SETD7: variants seen among roughly 807,000 people sequenced by gnomAD.
SETD7 encodes the protein histone-lysine N-methyltransferase SETD7.
In SETD7, 16 loss-of-function variants were observed where a neutral mutation model predicts 41.8. The ratio of observed to expected loss-of-function variants is 0.38; its 90% CI spans 0.26 to 0.58. The LOEUF (loss-of-function observed/expected upper bound fraction) is 0.58, where lower values mean the gene tolerates loss of function less well. Among genes scored for constraint, SETD7 ranks in the 20% least tolerant of loss-of-function variants. The probability of loss-of-function intolerance (pLI) is 0.64; values close to 1 mark genes in which losing one functional copy is unlikely to be tolerated. For missense variants in SETD7, 346 were observed against 459.7 expected (o/e 0.75, Z 2.26); for synonymous variants, 163 against 169.7 (o/e 0.96, Z 0.31).
chr4:139,503,142 C>G (rs576887450), downstream of SETD7, among the ~76,000 whole-genome samples: 1 of 130,102 alleles, frequency 7.7e-6, no homozygotes, highest in Admixed American at 9.1e-5. Flanking sequence ...TGCGCCACTG[C>G]ACTCCAGTAT....
exon 8 of SETD7, chr4:139,496,186 CT>C (rs1726450836): frequency 4.1e-6 from 2 of 486,134 alleles, no homozygotes; most frequent in Admixed American, 3.7e-5. Context: ...TTTTTCCCCC[CT>C]CTGGTGACTT....
intron 2 of SETD7, among the ~76,000 whole-genome samples, chr4:139,544,350 G>T (rs987063701): frequency 2.8e-5 from 4 of 143,250 alleles, no homozygotes; most frequent in African/African-American, 1.0e-4. Flanking sequence ...TGGTGAATTC[G>T]TGCCTCAAAA....
chr4:139,541,588 T>C (rs1228991003), intron 2 of SETD7, among the ~76,000 whole-genome samples: 1 of 152,224 alleles, frequency 6.6e-6, no homozygotes, highest in African/African-American at 2.4e-5. Flanking sequence ...TAATTTCTTC[T>C]TCCCTTTTAA....
intron 3 of SETD7, among the ~76,000 whole-genome samples, chr4:139,529,516 G>A (rs1727423913): frequency 6.6e-6 from 1 of 152,164 alleles, no homozygotes; most frequent in Admixed American, 6.5e-5. Flanking sequence ...GATACTCTAT[G>A]TTGGTTTACT....
intron 4 of SETD7, among the ~76,000 whole-genome samples, chr4:139,524,340 A>G (rs1727261919): frequency 6.6e-6 from 1 of 152,236 alleles, no homozygotes; most frequent in African/African-American, 2.4e-5. Flanking sequence ...GAGTGTTTCA[A>G]AAAGAATTCA....
rs1214711125 is a variant in SETD7 at position 139,508,261 on chromosome 4, C to T, written c.*3402G>A. ...ACCCCCATAGGGCAAATAGGTTTAACTACAGTCCTAGACAGGTTCAAAGAG... is the reference window on the plus strand; with the variant it reads ...ACCCCCATAGGGCAAATAGGTTTAATTACAGTCCTAGACAGGTTCAAAGAG... On this transcript the variant is annotated 3_prime_UTR_variant, in exon 8 of 8. Transcript: ENST00000274031. 1 of 152,190 alleles carries T rather than the reference C, an allele frequency of 6.6e-6. No individual in the cohort carries two copies. The highest frequency in any genetic ancestry group is 1.5e-5 in the Non-Finnish European group (1 of 68,034). The allele number at this position is 152,190 out of a possible 1,614,324, so 9.4% of individuals were successfully genotyped here.
chr4:139,534,032 G>A (rs552133122), intron 2 of SETD7, among the ~76,000 whole-genome samples: 7 of 151,960 alleles, frequency 4.6e-5, no homozygotes, highest in Non-Finnish European at 8.8e-5. Flanking sequence ...TGGCCAGTAG[G>A]GGCAAGTAAG....
intron 2 of SETD7, 38 bp downstream of exon 2, chr4:139,546,882 G>A (rs368542725): frequency 4.5e-5 from 73 of 1,613,012 alleles, no homozygotes; most frequent in East Asian, 1.3e-4. Context: ...AAAATAATTC[G>A]GTACCCCCAA....
intron 7 of SETD7, 99 bp from the exon 8 acceptor site, chr4:139,511,942 T>C (rs911964416): frequency 6.7e-7 from 1 of 1,487,824 alleles, no homozygotes; most frequent in Admixed American, 2.4e-5. Flanking sequence ...CCAGGCACTC[T>C]TCCCTGGGCA....
chr4:139,522,625 C>T (rs1288687544), intron 5 of SETD7, among the ~76,000 whole-genome samples: 1 of 151,750 alleles, frequency 6.6e-6, no homozygotes, highest in African/African-American at 2.4e-5. Flanking sequence ...TGTGCACAGG[C>T]TAGAGCTTTA....
chr4:139,496,948 A>G (rs1208019525), intron 7 of SETD7, among the ~76,000 whole-genome samples: 3 of 152,124 alleles, frequency 2.0e-5, no homozygotes, highest in Non-Finnish European at 2.9e-5. Flanking sequence ...TTCAGAGGCC[A>G]AGCACAGTGG....
In SETD7 at chr4:139,515,410, T is replaced by A. The variant is rs146741008; in HGVS notation, c.920+2475A>T. ...GTTTTGTACAAATGAAATCTTCTCTTGTCTCCTGTGCTGTCTTCCTTTTGG... is the reference window on the plus strand; with the variant it reads ...GTTTTGTACAAATGAAATCTTCTCTAGTCTCCTGTGCTGTCTTCCTTTTGG... On this transcript the variant is annotated intron_variant, in intron 7 of 7. Transcript: ENST00000274031. Among the ~76,000 whole-genome samples the A allele has an allele frequency of 5.9e-5, 9 of 152,344 alleles. No homozygotes were observed. The East Asian group carries it at 1.7e-3, about 29-fold the overall frequency.
intron 2 of SETD7, among the ~76,000 whole-genome samples, chr4:139,540,491 T>C (rs1263380380): frequency 6.6e-6 from 1 of 152,240 alleles, no homozygotes; most frequent in Non-Finnish European, 1.5e-5. Context: ...GGTTCTAGAA[T>C]TGAATTCGCC....
At chr4:139,528,310 G>A (rs533584279) in intron 4 of SETD7, among the ~76,000 whole-genome samples, 90 of 152,330 alleles carry the variant, frequency 5.9e-4, no homozygotes, top group African/African-American at 2.0e-3. Context: ...TGTTGGGCTC[G>A]AGATGCCAAT....
rs1726794937 is a variant in SETD7, at chr4:139,509,220, G to C, written c.*2443C>G. 1 of 152,594 alleles carries C rather than the reference G, an allele frequency of 6.6e-6. No individual in the cohort carries two copies. 9.5% of individuals were successfully genotyped at this position (152,594 alleles called of 1,614,324 possible). ...GAAAGAGAGCCGGCCAGAGAAAGAA[G>C]AGCTGGAAGACACAGAGAGTATGAA... On this transcript the variant is annotated 3_prime_UTR_variant, in exon 8 of 8. Transcript: ENST00000274031.
intron 7 of SETD7, among the ~76,000 whole-genome samples, chr4:139,499,015 T>G (rs988432683): frequency 6.6e-6 from 1 of 152,150 alleles, no homozygotes; most frequent in Non-Finnish European, 1.5e-5. Flanking sequence ...TGAGCCGAGA[T>G]TGCACCACTG....
intron 2 of SETD7, among the ~76,000 whole-genome samples, chr4:139,539,736 A>G (rs1308928675): frequency 1.3e-5 from 2 of 152,380 alleles, no homozygotes; most frequent in East Asian, 3.9e-4. Flanking sequence ...GATGGTATTA[A>G]GAGGTGGGGC....
intron 2 of SETD7, among the ~76,000 whole-genome samples, chr4:139,543,247 A>G (rs1303017481): frequency 1.3e-5 from 2 of 152,232 alleles, no homozygotes; most frequent in Non-Finnish European, 2.9e-5. Flanking sequence ...GGGGATGGGA[A>G]CAGGGAGAAA....
chr4:139,498,356 C>A (rs1353344068), intron 7 of SETD7, among the ~76,000 whole-genome samples: 1 of 152,180 alleles, frequency 6.6e-6, no homozygotes, highest in African/African-American at 2.4e-5. Flanking sequence ...ACCCCAGGGT[C>A]AGGTACCAGA....
Sources: allele counts gnomAD v4.1 joint callset (sites outside exome capture counted in the v4.1 genomes callset), GRCh38; gene constraint gnomAD v4.1.1; transcripts MANE v1.5; gene names NCBI Gene and HGNC (gene_info 2026-07-23, HGNC 2026-07-21).